ANK2: variants seen among roughly 807,000 people sequenced by gnomAD.
ANK2 encodes ankyrin-2.
A neutral mutation model predicts 360.5 loss-of-function variants in ANK2; 83 were observed. The observed-to-expected ratio is 0.23, with a 90% CI of 0.19 to 0.28. The LOEUF is 0.28. Ranked by LOEUF, ANK2 falls within the 10% of genes least tolerant of loss-of-function variation. The pLI is 1.00. For synonymous variants in ANK2, 1,740 were observed against 1,759.5 expected (o/e 0.99, Z 0.28); for missense variants, 4,201 against 4,795.7 (o/e 0.88, Z 3.66).
chr4:112,713,775 CA>C, the ANK2 span, among the ~76,000 whole-genome samples: 3 of 143,428 alleles, frequency 2.1e-5, no homozygotes, highest in African/African-American at 5.1e-5. Context: ...ACTAAAAATG[CA>C]AAAAAAAATT....
At chr4:113,326,946 G>T (rs982949174) in intron 26 of ANK2, among the ~76,000 whole-genome samples, 1 of 152,140 alleles carries the variant, frequency 6.6e-6, no homozygotes, top group South Asian at 2.1e-4. Flanking sequence ...CAAGGTTACG[G>T]TGTGCTATGA....
At chr4:112,808,999 C>T in the ANK2 span, among the ~76,000 whole-genome samples, 1 of 151,858 alleles carries the variant, frequency 6.6e-6, no homozygotes, top group East Asian at 2.0e-4. Flanking sequence ...GCTGGGATTA[C>T]AGGTGTGTGC....
intron 2 of ANK2, among the ~76,000 whole-genome samples, chr4:113,026,984 G>C (rs1435490444): frequency 2.0e-5 from 3 of 152,064 alleles, no homozygotes; most frequent in Non-Finnish European, 2.9e-5. Flanking sequence ...TGCTTTTCCA[G>C]GAGGTTGGAC....
chr4:113,191,211 C>T (rs149859595), intron 2 of ANK2, among the ~76,000 whole-genome samples: 1,946 of 152,208 alleles, frequency 0.013, 46 homozygotes, highest in African/African-American at 0.044. Flanking sequence ...GGTGTGGTGG[C>T]ATGTGCCTGT....
intron 1 of ANK2, among the ~76,000 whole-genome samples, chr4:112,886,937 G>T (rs2078581970): frequency 6.6e-6 from 1 of 152,108 alleles, no homozygotes; most frequent in African/African-American, 2.4e-5. Flanking sequence ...CCTAGATGTT[G>T]CCATCCCACA....
At chr4:113,186,074 A>G (rs953105065) in intron 2 of ANK2, among the ~76,000 whole-genome samples, 1 of 152,312 alleles carries the variant, frequency 6.6e-6, no homozygotes, top group South Asian at 2.1e-4. Flanking sequence ...TGCCTCCTCA[A>G]GTGGGTCCCT....
At chr4:112,967,886 A>G (rs374455555) in intron 2 of ANK2, among the ~76,000 whole-genome samples, 12 of 152,186 alleles carry the variant, frequency 7.9e-5, no homozygotes, top group Non-Finnish European at 1.5e-4. Flanking sequence ...TGAATATATC[A>G]AGGAAGACTG....
intron 2 of ANK2, among the ~76,000 whole-genome samples, chr4:112,978,417 C>G (rs11943880): frequency 0.26 from 39,313 of 152,052 alleles, 5,401 homozygotes; most frequent in East Asian, 0.42. Flanking sequence ...GCAACCATCA[C>G]AATCTAGAAT....
chr4:113,247,161 G>GA (rs780555782), intron 9 of ANK2, among the ~76,000 whole-genome samples: 4,831 of 121,266 alleles, frequency 0.04, 156 homozygotes, highest in East Asian at 0.23. Context: ...TGATTCTAGA[G>GA]AAAAAAAAAA....
At chr4:113,014,147 A>C (rs1046584426) in intron 2 of ANK2, among the ~76,000 whole-genome samples, 5 of 152,184 alleles carry the variant, frequency 3.3e-5, no homozygotes, top group Admixed American at 3.3e-4. Context: ...TATTTTATGG[A>C]GACCCCAAAA....
intron 40 of ANK2, among the ~76,000 whole-genome samples, chr4:113,364,662 C>A (rs1441178219): frequency 6.6e-6 from 1 of 152,136 alleles, no homozygotes; most frequent in East Asian, 1.9e-4. Flanking sequence ...TCAGATTTAG[C>A]AAATAAAAAC....
intron 2 of ANK2, among the ~76,000 whole-genome samples, chr4:113,005,277 G>A (rs1216221533): frequency 6.6e-6 from 1 of 152,054 alleles, no homozygotes; most frequent in East Asian, 1.9e-4. Flanking sequence ...TACCAAAGGG[G>A]TACCCACACT....
At chr4:112,846,562 GA>G (rs2063354651) in intron 1 of ANK2, among the ~76,000 whole-genome samples, 2 of 151,586 alleles carry the variant, frequency 1.3e-5, no homozygotes, top group African/African-American at 2.4e-5. Flanking sequence ...CTTCCTTTTT[GA>G]AACACTCCTC....
chr4:112,791,479 C>CTTTT, the ANK2 span, among the ~76,000 whole-genome samples: 66 of 93,878 alleles, frequency 7.0e-4, 1 homozygote, highest in Non-Finnish European at 9.3e-4. Context: ...TCTTCTTCTT[C>CTTTT]TTTTTTTTTT....
rs2068987173 is a variant in ANK2 at position 113,293,424 on chromosome 4, TTCAC to T, written c.2377-13_2377-10del. 1 of 1,607,362 alleles carries T rather than the reference TTCAC, an allele frequency of 6.2e-7. No individual in the cohort carries two copies. The highest frequency in any genetic ancestry group is 2.2e-5 in the East Asian group (1 of 44,800). ...CTCTCTTATTTCTCACTCTCTCTCT[TTCAC>T]TCTCTCTTCAGAATGGCAACACTGC... is the stretch of plus-strand genomic sequence containing the variant. On this transcript the variant is annotated splice_polypyrimidine_tract_variant and intron_variant, in intron 21 of 45. Transcript: ENST00000357077.
chr4:113,046,676 CA>C (rs2064539098), upstream of ANK2, among the ~76,000 whole-genome samples: 1 of 152,070 alleles, frequency 6.6e-6, no homozygotes, highest in African/African-American at 2.4e-5. Context: ...AGAACTGTGA[CA>C]AATAAATTTC....
At position 113,023,581 on chromosome 4, in the gene ANK2, G is replaced by A. The variant is rs372764223; in HGVS notation, c.21+119067G>A. 3.3e-5 allele frequency among the ~76,000 whole-genome samples: 5 copies of A among 152,170 alleles called. No individual in the cohort carries two copies. In the East Asian group the frequency reaches 9.6e-4, roughly 29 times the overall value. ...TATTGTGTCTGACCACAACATCTAA[G>A]ATAGCACCACCTCTGCCATAAGATA... On this transcript the variant is annotated intron_variant, in intron 2 of 30. Coordinates refer to the ANK2 transcript ENST00000503271.
chr4:112,726,433 G>T, the ANK2 span, among the ~76,000 whole-genome samples: 5 of 152,094 alleles, frequency 3.3e-5, no homozygotes, highest in Non-Finnish European at 7.4e-5. Flanking sequence ...TAAGTTAGAT[G>T]AACATTCGTA....
intron 2 of ANK2, among the ~76,000 whole-genome samples, chr4:113,184,401 C>A (rs185237398): frequency 4.6e-5 from 7 of 152,094 alleles, no homozygotes; most frequent in Admixed American, 2.6e-4. Flanking sequence ...TGGAAACTAT[C>A]TGGAGAAAGA....
Sources: gnomAD v4.1 joint callset for allele counts (sites outside exome capture counted in the v4.1 genomes callset) on GRCh38, gnomAD v4.1.1 for gene constraint, MANE v1.5 for transcripts, NCBI Gene and HGNC (gene_info 2026-07-23, HGNC 2026-07-21) for gene names.